The following DOCK5 variants were observed in gnomAD, a reference collection of about 807,000 sequenced individuals.
DOCK5 encodes dedicator of cytokinesis protein 5.
DOCK5 carries 142 observed loss-of-function variants against 251.8 expected under a neutral mutation model. The ratio of observed to expected loss-of-function variants is 0.56; its 90% CI spans 0.49 to 0.65. The LOEUF is 0.65. DOCK5 is among the 30% of genes least tolerant of loss of function. The pLI, the probability that DOCK5 is intolerant of heterozygous loss-of-function variation, is 0.00. For synonymous variants in DOCK5, 842 were observed against 835.5 expected, an observed-to-expected ratio of 1.01 and a Z score of -0.13; for missense variants, 2,111 against 2,312.3, an observed-to-expected ratio of 0.91 and a Z score of 1.79.
At chr8:25,391,685 A>C (rs1801262241) in intron 42 of DOCK5, among the ~76,000 whole-genome samples, 1 of 152,174 alleles carries the variant, frequency 6.6e-6, no homozygotes, top group Non-Finnish European at 1.5e-5. Context: ...GTGTGCTGTG[A>C]AATAAATTCC....
At chr8:25,200,997 C>T (rs34526269) in intron 1 of DOCK5, among the ~76,000 whole-genome samples, 94,950 of 151,920 alleles carry the variant, frequency 0.62, 32,353 homozygotes, top group Non-Finnish European at 0.76. Context: ...ACCTCCGCCT[C>T]CTGGGTTCAA....
At chr8:25,372,819 G>C (rs993501946) in intron 35 of DOCK5, 101 bp downstream of exon 35, 2 of 1,211,434 alleles carry the variant, frequency 1.7e-6, no homozygotes, top group South Asian at 1.6e-5. Flanking sequence ...GAGGCGCCCT[G>C]AGGCACCTTT....
At chr8:25,210,856 A>G (rs183440384) in intron 1 of DOCK5, among the ~76,000 whole-genome samples, 398 of 35,040 alleles carry the variant, frequency 0.011, 107 homozygotes, top group Middle Eastern at 0.077. Flanking sequence ...GAAAGTGCCA[A>G]TGTTCCTGGA....
At chr8:25,397,390 T>C (rs1801364577) in intron 45 of DOCK5, among the ~76,000 whole-genome samples, 1 of 152,172 alleles carries the variant, frequency 6.6e-6, no homozygotes, top group African/African-American at 2.4e-5. Flanking sequence ...GACGGTGTAA[T>C]TGGAATGTTC....
At chr8:25,313,797 G>C (rs1473580618) in intron 13 of DOCK5, among the ~76,000 whole-genome samples, 1 of 152,170 alleles carries the variant, frequency 6.6e-6, no homozygotes, top group African/African-American at 2.4e-5. Flanking sequence ...GAGGACACCA[G>C]TCATATTGGA....
At chr8:25,324,223 C>T (rs540883465) in intron 17 of DOCK5, among the ~76,000 whole-genome samples, 1 of 152,196 alleles carries the variant, frequency 6.6e-6, no homozygotes, top group South Asian at 2.1e-4. Context: ...GAATGGTGTT[C>T]CCTAGCAGTG....
chr8:25,399,895 A>G lies in DOCK5; in HGVS notation c.4705-16A>G, dbSNP rs758669485. 2.5e-6 allele frequency: 4 copies of G among 1,601,876 alleles called. No homozygotes were observed. The highest frequency in any genetic ancestry group is 2.2e-5 in the East Asian group (1 of 44,626). On this transcript the variant is annotated splice_polypyrimidine_tract_variant and intron_variant, in intron 45 of 51. Coordinates refer to ENST00000276440, the MANE Select transcript of DOCK5 (RefSeq NM_024940.8). ...GGAATGTGTTCTAATTAAAACTTGCATATGCTTTTTTTTAGGCTTTTTTTA... is the reference window on the plus strand; with the variant it reads ...GGAATGTGTTCTAATTAAAACTTGCGTATGCTTTTTTTTAGGCTTTTTTTA...
At chr8:25,309,372 T>C (rs1310014025) in intron 12 of DOCK5, among the ~76,000 whole-genome samples, 1 of 152,024 alleles carries the variant, frequency 6.6e-6, no homozygotes, top group Non-Finnish European at 1.5e-5. Flanking sequence ...TTTGTAGAGA[T>C]GGAGTCTCAC....
chr8:25,342,231 A>C (rs1805971108), intron 24 of DOCK5, among the ~76,000 whole-genome samples, 170 bp from the exon 25 acceptor site: 1 of 152,196 alleles, frequency 6.6e-6, no homozygotes, highest in Non-Finnish European at 1.5e-5. Context: ...CCCTCCAGTA[A>C]GTGAGGATAA....
chr8:25,350,678 T>G (rs2117248068), intron 26 of DOCK5, among the ~76,000 whole-genome samples: 1 of 152,292 alleles, frequency 6.6e-6, no homozygotes, highest in Non-Finnish European at 1.5e-5. Context: ...CCAGCGTGGT[T>G]AAGTTTTGGT....
intron 34 of DOCK5, among the ~76,000 whole-genome samples, chr8:25,370,883 A>T (rs745634344): frequency 6.6e-6 from 1 of 152,142 alleles, no homozygotes; most frequent in Admixed American, 6.6e-5. Flanking sequence ...GCCTCAGGCA[A>T]TCCTCCAGCC....
At chr8:25,375,951 T>C (rs75021123) in intron 37 of DOCK5, 3 of 730,222 alleles carry the variant, frequency 4.1e-6, no homozygotes, top group Non-Finnish European at 5.0e-6. Flanking sequence ...TACAAAAAAT[T>C]AGCAGGCGTG....
chr8:25,268,480 A>G (rs1458300380), intron 2 of DOCK5, among the ~76,000 whole-genome samples: 1 of 152,162 alleles, frequency 6.6e-6, no homozygotes, highest in Non-Finnish European at 1.5e-5. Flanking sequence ...GTATACAATG[A>G]AAGTCCATAT....
At chr8:25,279,921 G>A (rs533748441) in intron 5 of DOCK5, among the ~76,000 whole-genome samples, 3 of 151,572 alleles carry the variant, frequency 2.0e-5, no homozygotes, top group Non-Finnish European at 2.9e-5. Context: ...CACCATGGCC[G>A]GCTAATTTTG....
chr8:25,283,359 G>A (rs1370095671), intron 5 of DOCK5, among the ~76,000 whole-genome samples: 1 of 152,176 alleles, frequency 6.6e-6, no homozygotes, highest in Non-Finnish European at 1.5e-5. Flanking sequence ...TCCTGTGCGG[G>A]TCCTGTTCTG....
chr8:25,311,737 C>T (rs1018886275), intron 13 of DOCK5, among the ~76,000 whole-genome samples: 4 of 150,864 alleles, frequency 2.7e-5, no homozygotes, highest in Admixed American at 6.6e-5. Flanking sequence ...GCCTGACCAA[C>T]GTGGTGAAAC....
chr8:25,356,174 T>C (rs1800565320), intron 27 of DOCK5, among the ~76,000 whole-genome samples: 1 of 152,120 alleles, frequency 6.6e-6, no homozygotes, highest in African/African-American at 2.4e-5. Flanking sequence ...CACTCCAGCC[T>C]GGTGACAGAG....
At chr8:25,389,313 A>G (rs1167829229) in intron 41 of DOCK5, 81 bp downstream of exon 41, 5 of 1,522,610 alleles carry the variant, frequency 3.3e-6, no homozygotes, top group Middle Eastern at 4.8e-4. Context: ...CATAGGAGCT[A>G]CAGTCCCTTC....
At chr8:25,405,756 A>G (rs1801511606) in intron 48 of DOCK5, among the ~76,000 whole-genome samples, 1 of 152,144 alleles carries the variant, frequency 6.6e-6, no homozygotes, top group African/African-American at 2.4e-5. Context: ...GAAACATAAA[A>G]TGCCTTTCCA....
Sources: allele counts gnomAD v4.1 joint callset (sites outside exome capture counted in the v4.1 genomes callset), GRCh38; gene constraint gnomAD v4.1.1; transcripts MANE v1.5; gene names NCBI Gene and HGNC (gene_info 2026-07-23, HGNC 2026-07-21).